The following L2HGDH variants were observed in gnomAD, a reference collection of about 807,000 sequenced individuals.
L2HGDH encodes the protein L-2-hydroxyglutarate dehydrogenase, mitochondrial.
In L2HGDH, 34 loss-of-function variants were observed where a neutral mutation model predicts 51.5. That is an observed-to-expected ratio of 0.66 (90% CI 0.50 to 0.88). The LOEUF (loss-of-function observed/expected upper bound fraction) is 0.88, where lower values mean the gene tolerates loss of function less well. L2HGDH is among the 40% of genes least tolerant of loss of function. The pLI is 0.00. For synonymous variants in L2HGDH, 198 were observed against 197.9 expected, an observed-to-expected ratio of 1.00 and a Z score of -0.01; for missense variants, 558 against 571.9, an observed-to-expected ratio of 0.98 and a Z score of 0.25.
intron 9 of L2HGDH, among the ~76,000 whole-genome samples, chr14:50,257,628 C>T (rs1035080590): frequency 1.3e-5 from 2 of 152,046 alleles, no homozygotes; most frequent in Admixed American, 6.6e-5. Context: ...ACGTTGGCCT[C>T]CCAAAGTTCT....
At chr14:50,284,154 G>T in intron 4 of L2HGDH, 121 bp from the exon 5 acceptor site, 2 of 852,484 alleles carry the variant, frequency 2.3e-6, no homozygotes, top group Non-Finnish European at 3.7e-6. Context: ...AGCTTTTCTT[G>T]CTGCTACAAT....
chr14:50,307,446 T>G (rs1306021307), intron 1 of L2HGDH, among the ~76,000 whole-genome samples: 5 of 152,180 alleles, frequency 3.3e-5, no homozygotes, highest in Non-Finnish European at 7.4e-5. Flanking sequence ...ACAATAGTCA[T>G]AGATGAATGC....
At chr14:50,278,427 C>CA in intron 6 of L2HGDH, 93 bp downstream of exon 6, 1 of 795,756 alleles carries the variant, frequency 1.3e-6, no homozygotes, top group African/African-American at 1.7e-5. Flanking sequence ...AAATGTCATT[C>CA]AATAACTTAA....
At chr14:50,296,215 T>C (rs2030034629) in intron 3 of L2HGDH, among the ~76,000 whole-genome samples, 1 of 150,820 alleles carries the variant, frequency 6.6e-6, no homozygotes, top group African/African-American at 2.4e-5. Flanking sequence ...TACAAAAAAA[T>C]ACAAAAAAAT....
intron 1 of L2HGDH, among the ~76,000 whole-genome samples, chr14:50,307,308 C>T (rs2030790428): frequency 6.6e-6 from 1 of 152,156 alleles, no homozygotes; most frequent in African/African-American, 2.4e-5. Flanking sequence ...CTACATGTGC[C>T]ACCCTTCACT....
At chr14:50,261,787 A>G (rs1195680911) in intron 9 of L2HGDH, among the ~76,000 whole-genome samples, 1 of 152,170 alleles carries the variant, frequency 6.6e-6, no homozygotes, top group East Asian at 1.9e-4. Flanking sequence ...CCTGGCCTAG[A>G]GCTAACATTA....
intron 3 of L2HGDH, among the ~76,000 whole-genome samples, chr14:50,297,232 C>T (rs1227808269): frequency 6.6e-6 from 1 of 152,114 alleles, no homozygotes; most frequent in African/African-American, 2.4e-5. Context: ...TTCTGTTCAA[C>T]ACAGTATTGG....
chr14:50,255,334 A>G (rs933452108), intron 9 of L2HGDH, among the ~76,000 whole-genome samples: 3 of 151,968 alleles, frequency 2.0e-5, no homozygotes, highest in Non-Finnish European at 4.4e-5. Context: ...CAGGAGTTCA[A>G]GATCAGCCTG....
At chr14:50,311,532 C>T (rs1566546716) in intron 1 of L2HGDH, 3 of 451,396 alleles carry the variant, frequency 6.6e-6, no homozygotes, top group Non-Finnish European at 8.9e-6. Flanking sequence ...ATAAGAGCTG[C>T]CTCCGACGGG....
chr14:50,302,468 T>G (rs1045728512), intron 2 of L2HGDH, among the ~76,000 whole-genome samples: 2 of 152,170 alleles, frequency 1.3e-5, no homozygotes, highest in Admixed American at 6.5e-5. Context: ...GGTAACTTTT[T>G]TAGAGAAGGG....
chr14:50,303,020 T>C lies in L2HGDH; in HGVS notation c.141-3A>G, dbSNP rs763532187. On this transcript the variant is annotated splice_polypyrimidine_tract_variant and splice_region_variant and intron_variant, in intron 1 of 9. Coordinates refer to ENST00000267436, the MANE Select transcript of L2HGDH (RefSeq NM_024884.3). ...CAACGATGACTATATCAAATGAGCTTCAAAAGAAAGTCATCTTTAAAGTAA... is the reference window on the plus strand; with the variant it reads ...CAACGATGACTATATCAAATGAGCTCCAAAAGAAAGTCATCTTTAAAGTAA... 1.6e-5 allele frequency: 25 copies of C among 1,581,766 alleles called. No individual in the cohort carries two copies. The highest frequency in any genetic ancestry group is 3.3e-4 in the Middle Eastern group (2 of 6,024).
intron 6 of L2HGDH, among the ~76,000 whole-genome samples, chr14:50,277,826 A>AATAATC (rs1555329966): frequency 5.1e-5 from 7 of 135,956 alleles, no homozygotes; most frequent in South Asian, 2.5e-4. Context: ...TAATAATAAT[A>AATAATC]ATCTGGTGGC....
intron 9 of L2HGDH, among the ~76,000 whole-genome samples, chr14:50,264,780 T>C (rs1025055376): frequency 1.3e-5 from 2 of 152,202 alleles, no homozygotes; most frequent in Non-Finnish European, 2.9e-5. Flanking sequence ...TATTGGGTAC[T>C]GGGCTTAATA....
intron 1 of L2HGDH, 149 bp from the exon 2 acceptor site, chr14:50,303,166 G>A: frequency 1.7e-6 from 1 of 598,440 alleles, no homozygotes; most frequent in Admixed American, 2.2e-5. Context: ...GCTCACACCT[G>A]TAATCCCAGC....
At chr14:50,283,079 T>C (rs200713473) in intron 5 of L2HGDH, among the ~76,000 whole-genome samples, 1 of 151,756 alleles carries the variant, frequency 6.6e-6, no homozygotes, top group Admixed American at 6.6e-5. Flanking sequence ...CAAGCACCTA[T>C]AGTTTCAGCT....
chr14:50,289,902 T>C (rs887856089), intron 4 of L2HGDH, among the ~76,000 whole-genome samples: 2 of 152,204 alleles, frequency 1.3e-5, no homozygotes, highest in African/African-American at 2.4e-5. Context: ...GCTCACCTTA[T>C]GCTAGATGCA....
rs117674760 is a variant in L2HGDH at position 50,292,438 on chromosome 14, C to T, written c.540+1677G>A. Among the ~76,000 whole-genome samples the T allele has an allele frequency of 1.1e-3, 171 of 152,304 alleles. 1 individual carries two copies. In the East Asian group the frequency reaches 0.017, roughly 15 times the overall value. On this transcript the variant is annotated intron_variant, in intron 4 of 9. Transcript: ENST00000267436. ...ATTAAAAAGCTACTATAGGGCCAGGCGCTCACGCCTGTAATCCCAGAACTT... is the reference window on the plus strand; with the variant it reads ...ATTAAAAAGCTACTATAGGGCCAGGTGCTCACGCCTGTAATCCCAGAACTT...
chr14:50,309,638 T>C (rs1165274909), intron 1 of L2HGDH, among the ~76,000 whole-genome samples: 2 of 150,206 alleles, frequency 1.3e-5, no homozygotes, highest in African/African-American at 4.9e-5. Flanking sequence ...TATAAAGAGA[T>C]AGGTAACACA....
At chr14:50,259,568 C>A (rs1164646891) in intron 9 of L2HGDH, among the ~76,000 whole-genome samples, 2 of 151,820 alleles carry the variant, frequency 1.3e-5, no homozygotes, top group African/African-American at 2.4e-5. Flanking sequence ...GTGGCTCACA[C>A]CTGTAATCTC....
Sources: allele counts gnomAD v4.1 joint callset (sites outside exome capture counted in the v4.1 genomes callset), GRCh38; gene constraint gnomAD v4.1.1; transcripts MANE v1.5; gene names NCBI Gene and HGNC (gene_info 2026-07-23, HGNC 2026-07-21).